Variants in SEL1L3 observed in about 807,000 individuals in gnomAD.
SEL1L3 encodes the protein SEL1L family member 3.
A neutral mutation model predicts 142.8 loss-of-function variants in SEL1L3; 76 were observed. The ratio of observed to expected loss-of-function variants is 0.53; its 90% CI spans 0.44 to 0.64. The LOEUF (loss-of-function observed/expected upper bound fraction) is 0.64. Ranked by LOEUF, SEL1L3 falls within the 30% of genes least tolerant of loss-of-function variation. The pLI, the probability that SEL1L3 is intolerant of heterozygous loss-of-function variation, is 0.00. For synonymous variants in SEL1L3, 504 were observed against 519.6 expected, an observed-to-expected ratio of 0.97 and a Z score of 0.41; for missense variants, 1,262 against 1,381.7, an observed-to-expected ratio of 0.91 and a Z score of 1.37.
At chr4:25,783,008 A>G (rs1711536585) in intron 14 of SEL1L3, among the ~76,000 whole-genome samples, 1 of 152,224 alleles carries the variant, frequency 6.6e-6, no homozygotes, top group Admixed American at 6.5e-5. Context: ...AACACTTTTC[A>G]GGCCATGACT....
chr4:25,784,601 A>C (rs1482511468), intron 13 of SEL1L3, among the ~76,000 whole-genome samples: 1 of 152,230 alleles, frequency 6.6e-6, no homozygotes, highest in East Asian at 1.9e-4. Context: ...GAGTTTGGTC[A>C]TCCTGGATGC....
chr4:25,824,465 T>A (rs1714968787), intron 6 of SEL1L3, among the ~76,000 whole-genome samples: 2 of 152,184 alleles, frequency 1.3e-5, no homozygotes, highest in South Asian at 2.1e-4. Flanking sequence ...GTTATGAAGA[T>A]GAAATAAACT....
At chr4:25,796,734 T>A (rs1345855371) in intron 11 of SEL1L3, among the ~76,000 whole-genome samples, 1 of 149,750 alleles carries the variant, frequency 6.7e-6, no homozygotes, top group African/African-American at 2.5e-5. Flanking sequence ...TGAGCCGAGA[T>A]CACACCACTG....
chr4:25,736,313 T>A, the SEL1L3 span, among the ~76,000 whole-genome samples: 4 of 150,886 alleles, frequency 2.7e-5, no homozygotes, highest in Admixed American at 6.6e-5. Context: ...AACCTCCGCC[T>A]CCTGGTTTCA....
intron 2 of SEL1L3, among the ~76,000 whole-genome samples, chr4:25,843,950 C>T (rs986637766): frequency 2.6e-4 from 40 of 152,226 alleles, no homozygotes; most frequent in African/African-American, 7.2e-4. Context: ...CCAGAACGCC[C>T]GGGCACAGGG....
intron 14 of SEL1L3, 72 bp downstream of exon 14, chr4:25,784,156 T>C: frequency 1.5e-6 from 2 of 1,302,240 alleles, no homozygotes; most frequent in Non-Finnish European, 2.2e-6. Flanking sequence ...GGCCATTTCC[T>C]CTTTTAGACG....
the SEL1L3 span, among the ~76,000 whole-genome samples, chr4:25,741,005 G>A: frequency 1.3e-5 from 2 of 151,882 alleles, no homozygotes; most frequent in Admixed American, 6.6e-5. Flanking sequence ...GGCTGGTCTT[G>A]AACTCCTGAC....
At chr4:25,831,615 T>G (rs1371682244) in intron 5 of SEL1L3, among the ~76,000 whole-genome samples, 1 of 151,242 alleles carries the variant, frequency 6.6e-6, no homozygotes, top group East Asian at 1.9e-4. Flanking sequence ...AACCTCCGCC[T>G]CCCGGATTCA....
At chr4:25,763,541 A>G (rs551065917) in intron 20 of SEL1L3, among the ~76,000 whole-genome samples, 109 of 152,250 alleles carry the variant, frequency 7.2e-4, no homozygotes, top group African/African-American at 2.6e-3. Context: ...TCCATTAAAA[A>G]AATAAAATAA....
intron 14 of SEL1L3, among the ~76,000 whole-genome samples, chr4:25,783,560 C>T (rs796492734): frequency 2.0e-5 from 3 of 152,234 alleles, no homozygotes; most frequent in Admixed American, 6.5e-5. Context: ...ATTTGGACAT[C>T]GGTATGCATG....
intron 10 of SEL1L3, among the ~76,000 whole-genome samples, chr4:25,803,483 G>A (rs1229323560): frequency 6.6e-6 from 1 of 152,232 alleles, no homozygotes; most frequent in African/African-American, 2.4e-5. Context: ...AAAGCAATCA[G>A]GGAACATTTA....
intron 1 of SEL1L3, among the ~76,000 whole-genome samples, chr4:25,855,714 T>C (rs1390520571): frequency 2.0e-5 from 3 of 152,080 alleles, no homozygotes; most frequent in Non-Finnish European, 1.5e-5. Context: ...TGAGCCGAGA[T>C]TGTGCCACTG....
chr4:25,714,540 CT>C, the SEL1L3 span, among the ~76,000 whole-genome samples: 5 of 116,010 alleles, frequency 4.3e-5, no homozygotes, highest in East Asian at 9.8e-4. Flanking sequence ...TTCTTTCTTT[CT>C]TTCTTTCTTT....
At chr4:25,715,570 A>G in the SEL1L3 span, among the ~76,000 whole-genome samples, 1 of 152,076 alleles carries the variant, frequency 6.6e-6, no homozygotes, top group East Asian at 1.9e-4. Context: ...ATATCTAAAA[A>G]TGTTTTCCCT....
At chr4:25,756,031 A>G (rs780708696) in intron 23 of SEL1L3, 47 of 985,344 alleles carry the variant, frequency 4.8e-5, no homozygotes, top group Middle Eastern at 5.2e-4. Context: ...CAGGTAAATC[A>G]GAGAGAAATG....
chr4:25,767,928 G>T, intron 17 of SEL1L3, 98 bp from the exon 18 acceptor site: 1 of 741,326 alleles, frequency 1.3e-6, no homozygotes, highest in Non-Finnish European at 2.2e-6. Flanking sequence ...AAAATAAGCA[G>T]TTTTTTTAAA....
chr4:25,743,473 G>A (rs923287877), downstream of SEL1L3, among the ~76,000 whole-genome samples: 1 of 152,126 alleles, frequency 6.6e-6, no homozygotes, highest in African/African-American at 2.4e-5. Context: ...GTCCCAGAAA[G>A]TCGTGACGAC....
In SEL1L3 at chr4:25,804,655, A is replaced by G. The variant is rs1713429026; in HGVS notation, c.1662T>C (p.Ile554=). Residue 554 remains isoleucine (I), a synonymous_variant, in exon 10 of 24, where the codon ATT becomes ATC. Coordinates refer to ENST00000399878, the MANE Select transcript of SEL1L3 (RefSeq NM_015187.5). ...RLSSIDGLHQ[I]SSIVPFLTDS... ...CCGTCAGAAAGGGGACGATAGAGCT[A>G]ATTTGGTGAAGACCATCAATGCTAG... 1 of 1,613,482 alleles carries G rather than the reference A, an allele frequency of 6.2e-7. No homozygotes were observed. Among genetic ancestry groups the G allele is most frequent in the Non-Finnish European group, 8.5e-7 (1 of 1,179,490 alleles).
rs1018018215 is a variant in SEL1L3, at chr4:25,838,194, T to C, written c.734-2871A>G. ...GTAAGCCAAAGAATGACCTTTCTTC[T>C]TTCAAATCCTTTCCCCACATTCATT... On this transcript the variant is annotated intron_variant, in intron 2 of 23. Coordinates refer to ENST00000399878, the MANE Select transcript of SEL1L3 (RefSeq NM_015187.5). Among the ~76,000 whole-genome samples the C allele has an allele frequency of 2.6e-5, 4 of 152,224 alleles. No homozygotes were observed. The East Asian group carries it at 7.7e-4, about 29-fold the overall frequency.
Sources: gnomAD v4.1 joint callset for allele counts (sites outside exome capture counted in the v4.1 genomes callset) on GRCh38, gnomAD v4.1.1 for gene constraint, MANE v1.5 for transcripts, NCBI Gene and HGNC (gene_info 2026-07-23, HGNC 2026-07-21) for gene names.